The following GRIK2 variants were observed in gnomAD, a reference collection of about 807,000 sequenced individuals.
GRIK2 encodes the protein glutamate receptor ionotropic, kainate 2.
Under a neutral mutation model 100.3 loss-of-function variants are expected in GRIK2, and 32 were observed. The observed-to-expected ratio is 0.32, with a 90% CI of 0.24 to 0.43. The LOEUF is 0.43. GRIK2 is among the 20% of genes least tolerant of loss of function. GRIK2 has a pLI of 1.00. For missense variants in GRIK2, 843 were observed against 1,114.9 expected (o/e 0.76, Z 3.47); for synonymous variants, 417 against 389.4 (o/e 1.07, Z -0.83).
intron 7 of GRIK2, among the ~76,000 whole-genome samples, chr6:101,794,539 C>T (rs550017475): frequency 3.7e-4 from 56 of 151,858 alleles, no homozygotes; most frequent in Admixed American, 2.2e-3. Flanking sequence ...TTTATCATTG[C>T]GGTTTAGTGG....
intron 12 of GRIK2, among the ~76,000 whole-genome samples, chr6:101,914,390 T>C (rs1297356496): frequency 6.6e-6 from 1 of 151,336 alleles, no homozygotes; most frequent in Non-Finnish European, 1.5e-5. Context: ...TCAGATGTAA[T>C]ATGGAATGGG....
At chr6:101,609,875 G>C in intron 2 of GRIK2, among the ~76,000 whole-genome samples, 1 of 151,618 alleles carries the variant, frequency 6.6e-6, no homozygotes, top group Non-Finnish European at 1.5e-5. Flanking sequence ...ATCTATATGA[G>C]GAATAGATAG....
chr6:101,426,447 A>G (rs1050506598), intron 2 of GRIK2, among the ~76,000 whole-genome samples: 3 of 152,110 alleles, frequency 2.0e-5, no homozygotes, highest in East Asian at 1.9e-4. Flanking sequence ...GTATTTTTGT[A>G]TCAATTAACC....
chr6:101,873,309 T>C lies in GRIK2; in HGVS notation c.1524+13816T>C, dbSNP rs562008906. Among the ~76,000 whole-genome samples the C allele has an allele frequency of 7.8e-5, 11 of 141,208 alleles. No homozygotes were observed. In the South Asian group the frequency reaches 2.5e-3, roughly 32 times the overall value. The allele number at this position is 141,208 out of a possible 152,430, so 92.6% of individuals were successfully genotyped here. On this transcript the variant is annotated intron_variant, in intron 11 of 16. Transcript: ENST00000369134. ...CCCTTCCTGTGTCCAAGTGTTCTCA[T>C]TGTTCAATTCCCACCTATGAGTGAG... is the stretch of plus-strand genomic sequence containing the variant.
At chr6:101,614,963 A>G (rs1779828469) in intron 2 of GRIK2, among the ~76,000 whole-genome samples, 1 of 151,674 alleles carries the variant, frequency 6.6e-6, no homozygotes, top group South Asian at 2.1e-4. Flanking sequence ...GCAGTTGACT[A>G]ATCTTTTATT....
At chr6:101,669,779 T>C (rs1462446875) in intron 4 of GRIK2, among the ~76,000 whole-genome samples, 1 of 152,168 alleles carries the variant, frequency 6.6e-6, no homozygotes, top group East Asian at 1.9e-4. Flanking sequence ...TTTTTGGATG[T>C]CTTGAATGCA....
In GRIK2 at chr6:102,006,390, AT is replaced by A. The variant is rs34620995; in HGVS notation, c.2086-28937del. Among the ~76,000 whole-genome samples, 571 of 114,068 alleles carry A rather than the reference AT, an allele frequency of 5.0e-3. 1 individual carries two copies. Among genetic ancestry groups the A allele is most frequent in the East Asian group, 9.9e-3 (43 of 4,342 alleles). 74.8% of individuals were successfully genotyped at this position (114,068 alleles called of 152,430 possible). On this transcript the variant is annotated intron_variant, in intron 14 of 16. Coordinates refer to ENST00000369134, the MANE Select transcript of GRIK2 (RefSeq NM_021956.5). ...CTTTTATATATATATATATATATAT[AT>A]TTTTTTTTTTTTTGAGACATACAGT...
At position 101,907,248 on chromosome 6, in the gene GRIK2, T is replaced by C. The variant is rs191606628; in HGVS notation, c.1749-17353T>C. 5.3e-3 allele frequency among the ~76,000 whole-genome samples: 797 copies of C among 149,682 alleles called. 5 individuals are homozygous for C. The highest frequency in any genetic ancestry group is 7.8e-3 in the Non-Finnish European group (517 of 66,526). On this transcript the variant is annotated intron_variant, in intron 12 of 16. Coordinates refer to ENST00000369134, the MANE Select transcript of GRIK2 (RefSeq NM_021956.5). ...TTTTAAATAGACCAAATTAGGTTAG[T>C]GGAATAACAAGAATAGTTTATAAAC... is the stretch of plus-strand genomic sequence containing the variant.
At chr6:101,729,215 C>T (rs1454058545) in intron 7 of GRIK2, among the ~76,000 whole-genome samples, 1 of 151,962 alleles carries the variant, frequency 6.6e-6, no homozygotes, top group Non-Finnish European at 1.5e-5. Context: ...AAGTAAAAAC[C>T]ATTTAGCATC....
intron 2 of GRIK2, among the ~76,000 whole-genome samples, chr6:101,529,807 G>T (rs960709246): frequency 6.6e-6 from 1 of 152,086 alleles, no homozygotes; most frequent in Non-Finnish European, 1.5e-5. Flanking sequence ...ATTATTTCTA[G>T]CTGGGGAATT....
intron 7 of GRIK2, among the ~76,000 whole-genome samples, chr6:101,699,230 TC>T (rs1772706938): frequency 6.6e-6 from 1 of 152,160 alleles, no homozygotes; most frequent in Non-Finnish European, 1.5e-5. Flanking sequence ...TCTCTGTTTA[TC>T]CTTTCTTCCA....
At chr6:101,514,610 A>T (rs1188870983) in intron 2 of GRIK2, among the ~76,000 whole-genome samples, 1 of 152,192 alleles carries the variant, frequency 6.6e-6, no homozygotes, top group Non-Finnish European at 1.5e-5. Flanking sequence ...TCTAAACTAT[A>T]TAGAAACACT....
chr6:101,459,690 C>T (rs1010530291), intron 2 of GRIK2, among the ~76,000 whole-genome samples: 15 of 152,098 alleles, frequency 9.9e-5, no homozygotes, highest in South Asian at 4.2e-4. Context: ...CGAATGAGTA[C>T]CGAAATATAA....
chr6:101,944,791 A>G (rs1791174883), intron 14 of GRIK2, among the ~76,000 whole-genome samples: 1 of 152,096 alleles, frequency 6.6e-6, no homozygotes, highest in Non-Finnish European at 1.5e-5. Context: ...TAAAGAGTCA[A>G]TATACAGATT....
intron 2 of GRIK2, among the ~76,000 whole-genome samples, chr6:101,434,544 C>A (rs1769607680): frequency 1.3e-5 from 2 of 152,016 alleles, no homozygotes; most frequent in South Asian, 4.2e-4. Flanking sequence ...ATTTTTCCAT[C>A]AGAGGAGTTT....
chr6:102,018,518 G>A (rs944038467), intron 14 of GRIK2, among the ~76,000 whole-genome samples: 1 of 151,988 alleles, frequency 6.6e-6, no homozygotes, highest in African/African-American at 2.4e-5. Context: ...TTATCTTTTA[G>A]TTTCCCCCCA....
intron 10 of GRIK2, among the ~76,000 whole-genome samples, chr6:101,832,322 A>G (rs969737602): frequency 6.6e-6 from 1 of 152,112 alleles, no homozygotes; most frequent in African/African-American, 2.4e-5. Context: ...ATAATTGGCT[A>G]TCTAAGAAAA....
intron 7 of GRIK2, among the ~76,000 whole-genome samples, chr6:101,765,131 C>A (rs933549319): frequency 6.6e-6 from 1 of 152,150 alleles, no homozygotes; most frequent in African/African-American, 2.4e-5. Flanking sequence ...CTTCTGAAAG[C>A]CTTCTCTGAG....
chr6:101,823,388 A>G (rs1170443925), intron 10 of GRIK2, among the ~76,000 whole-genome samples: 13 of 152,238 alleles, frequency 8.5e-5, no homozygotes, highest in Middle Eastern at 3.4e-3. Flanking sequence ...GATTTATGAT[A>G]TAAAATTGGA....
Sources: gnomAD v4.1 joint callset for allele counts (sites outside exome capture counted in the v4.1 genomes callset) on GRCh38, gnomAD v4.1.1 for gene constraint, MANE v1.5 for transcripts, NCBI Gene and HGNC (gene_info 2026-07-23, HGNC 2026-07-21) for gene names.